The following PTGER1 variants were observed in gnomAD, a reference collection of about 807,000 sequenced individuals.
PTGER1 encodes prostaglandin E receptor 1.
PTGER1 carries 15 observed loss-of-function variants against 18.5 expected under a neutral mutation model. The ratio of observed to expected loss-of-function variants is 0.81; its 90% CI spans 0.54 to 1.25. The LOEUF is 1.25. Ranked by LOEUF, PTGER1 falls within the 50% of genes most tolerant of loss-of-function variation. The pLI is 0.00. For missense variants in PTGER1, 567 were observed against 603.4 expected, an observed-to-expected ratio of 0.94 and a Z score of 0.63; for synonymous variants, 339 against 308.4, an observed-to-expected ratio of 1.10 and a Z score of -1.04.
At position 14,472,552 on chromosome 19, in the gene PTGER1, G is replaced by A. The variant is rs1441401257; in HGVS notation, c.*8C>T. On this transcript the variant is annotated 3_prime_UTR_variant, in exon 3 of 3. Transcript: ENST00000292513. ...GGGCTGGCTTAGTCGTTGGGCCTCTGGTTGTGCTTAGAAGTGGCTGAGGCC... is the reference window on the plus strand; with the variant it reads ...GGGCTGGCTTAGTCGTTGGGCCTCTAGTTGTGCTTAGAAGTGGCTGAGGCC... 6 of 1,556,122 alleles carry A rather than the reference G, an allele frequency of 3.9e-6. No individual in the cohort carries two copies. The highest frequency in any genetic ancestry group is 1.9e-5 in the Admixed American group (1 of 52,746).
chr19:14,474,475 T>A lies in PTGER1; in HGVS notation c.-17-138A>T. The A allele has an allele frequency of 2.1e-6, 2 of 949,114 alleles. No homozygotes were observed. The allele number at this position is 949,114 out of a possible 1,614,324, so 58.8% of individuals were successfully genotyped here. A position where few individuals can be genotyped will look rare whatever the true frequency, so the allele number is the denominator to read the frequency against. Reference sequence around the variant, plus strand: ...GCCCCTCTGCCCATGGCAGTTGCCATGGGCAACTCCAAATGACCTGGCCAC... The same window carrying A: ...GCCCCTCTGCCCATGGCAGTTGCCAAGGGCAACTCCAAATGACCTGGCCAC... On this transcript the variant is annotated intron_variant, in intron 1 of 2. Transcript: ENST00000292513. This position sits in a 1 kb window ranked among gnomAD's most constrained non-coding sequence, Gnocchi z 5.4.
At position 14,472,600 on chromosome 19, in the gene PTGER1, G is replaced by C. The variant is rs760999667; in HGVS notation, c.1169C>G (p.Ser390Trp). Residue 390 changes from serine (S) to tryptophan (W), a missense_variant, in exon 3 of 3, where the codon TCG (serine) becomes TGG (tryptophan). Ser to Trp is a radical substitution (Grantham distance 177). Coordinates refer to ENST00000292513, the MANE Select transcript of PTGER1 (RefSeq NM_000955.3). ...GCCGCTGTGCCGGGAGCTGCGCAGC[G>C]AGCTGGCCTCCCAGGCGCTCGGTGT... ...GLTPSAWEAS[S>W]LRSSRHSGLS... 1.3e-6 allele frequency: 2 copies of C among 1,599,938 alleles called. No homozygotes were observed. Among genetic ancestry groups the C allele is most frequent in the East Asian group, 4.5e-5 (2 of 44,554 alleles).
In PTGER1 at chr19:14,473,837, C is replaced by A; in HGVS notation, c.484G>T (p.Ala162Ser). 7.9e-7 allele frequency: 1 copy of A among 1,258,404 alleles called. No individual in the cohort carries two copies. The highest frequency in any genetic ancestry group is 2.8e-5 in the South Asian group (1 of 35,436). 78.0% of individuals were successfully genotyped at this position (1,258,404 alleles called of 1,614,324 possible). ...ARARLALAAV[A>S]AVALAVALLP... ...AGCGCCACGGCCAAGGCCACCGCGG[C>A]CACCGCGGCCAGCGCCAGGCGCGCG... Residue 162 changes from alanine (A) to serine (S), a missense_variant, in exon 2 of 3, where the codon GCC (alanine) becomes TCC (serine). Transcript: ENST00000292513. The surrounding 1 kb of genome is among the most constrained non-coding windows in gnomAD (Gnocchi z 7.1).
At chr19:14,472,989 G>T (rs915389911) in intron 2 of PTGER1, among the ~76,000 whole-genome samples, 163 bp from the exon 3 acceptor site, 1 of 151,964 alleles carries the variant, frequency 6.6e-6, no homozygotes. Flanking sequence ...AAAAAAAGGG[G>T]GGCAAAGAAA....
chr19:14,472,782 C>A lies in PTGER1; in HGVS notation c.987G>T (p.Leu329=). 1.9e-6 allele frequency: 3 copies of A among 1,574,350 alleles called. No homozygotes were observed. Among genetic ancestry groups the A allele is most frequent in the Non-Finnish European group, 2.6e-6 (3 of 1,162,060 alleles). Residue 329 remains leucine, a synonymous_variant, in exon 3 of 3, where the codon CTG becomes CTT. Coordinates refer to ENST00000292513, the MANE Select transcript of PTGER1 (RefSeq NM_000955.3). The part of the protein sequence containing the change: ...LAVGGWSSTS[L]QRPLFLAVRL... ...GCACGGCCAGGAACAGTGGCCGCTG[C>A]AGGGAGGTAGAGCTCCAGCCGCCGA...
chr19:14,473,968 A>G lies in PTGER1; in HGVS notation c.353T>C (p.Val118Ala), dbSNP rs200071451. 767 of 1,495,352 alleles carry G rather than the reference A, an allele frequency of 5.1e-4. 2 individuals are homozygous for G. Among genetic ancestry groups the G allele is most frequent in the Non-Finnish European group, 5.8e-4 (650 of 1,127,016 alleles). 92.6% of individuals were successfully genotyped at this position (1,495,352 alleles called of 1,614,324 possible). A position where few individuals can be genotyped will look rare whatever the true frequency, so the allele number is the denominator to read the frequency against. The change falls in exon 2 of 3, where the codon GTC (valine) becomes GCC (alanine). Residue 118 changes from valine to alanine, a missense_variant. Physicochemically the swap from Val to Ala is moderately conservative, Grantham distance 64. Coordinates refer to ENST00000292513, the MANE Select transcript of PTGER1 (RefSeq NM_000955.3). The surrounding 1 kb of genome is among the most constrained non-coding windows in gnomAD (Gnocchi z 7.1). The stretch of plus-strand genomic sequence containing the variant: ...CAGCAGCGGGCACAGGCCGAAGAAG[A>G]CCATGCAGCCGCCCAGGAAGTGGCA... ...GACHFLGGCM[V>A]FFGLCPLLLG...
In PTGER1 at chr19:14,473,463, G is replaced by T; in HGVS notation, c.858C>A (p.Arg286=). 1 of 1,586,652 alleles carries T rather than the reference G, an allele frequency of 6.3e-7. No homozygotes were observed. Among genetic ancestry groups the T allele is most frequent in the Non-Finnish European group, 8.5e-7 (1 of 1,170,734 alleles). ...TCTCCACGTCGTGGGCGCGAGCTCTGCGTGCCGAGCCGCTGCTCCGAGAGC... is the reference window on the plus strand; with the variant it reads ...TCTCCACGTCGTGGGCGCGAGCTCTTCGTGCCGAGCCGCTGCTCCGAGAGC... ...FGGSRSSGSA[R]RARAHDVEMV... Residue 286 remains arginine (R), a synonymous_variant, in exon 2 of 3, where the codon CGC becomes CGA. Coordinates refer to ENST00000292513, the MANE Select transcript of PTGER1 (RefSeq NM_000955.3). The surrounding 1 kb of genome is among the most constrained non-coding windows in gnomAD (Gnocchi z 7.1).
In PTGER1 at chr19:14,473,334, G is replaced by A; in HGVS notation, c.942+45C>T. 3 of 1,547,866 alleles carry A rather than the reference G, an allele frequency of 1.9e-6. No homozygotes were observed. The highest frequency in any genetic ancestry group is 2.6e-6 in the Non-Finnish European group (3 of 1,151,134). ...GACAAAGGGCGGGAGGGTGCCGAGA[G>A]GGAGCGGGAAGGAGCGTGGCTCGAG... On this transcript the variant is annotated intron_variant, in intron 2 of 2. Transcript: ENST00000292513. This position sits in a 1 kb window ranked among gnomAD's most constrained non-coding sequence, Gnocchi z 7.1.
rs1213010378 is a variant in PTGER1 at position 14,474,093 on chromosome 19, G to A, written c.228C>T (p.Phe76=). The change falls in exon 2 of 3, where the codon TTC becomes TTT. Residue 76 remains phenylalanine (F), a synonymous_variant. Transcript: ENST00000292513. The surrounding 1 kb of genome is among the most constrained non-coding windows in gnomAD (Gnocchi z 5.4). ...GGTCGGTGGCCAGCAGGCTGGCCAC[G>A]AACAGCAGGAAGGTGGCGGCCGAGC... The part of the protein sequence containing the change: ...RRRSAATFLL[F]VASLLATDLA... The A allele has an allele frequency of 1.4e-6, 2 of 1,461,490 alleles. No individual in the cohort carries two copies. Among genetic ancestry groups the A allele is most frequent in the Non-Finnish European group, 1.8e-6 (2 of 1,109,802 alleles). The allele number at this position is 1,461,490 out of a possible 1,614,324, so 90.5% of individuals were successfully genotyped here. A position where few individuals can be genotyped will look rare whatever the true frequency, so the allele number is the denominator to read the frequency against.
In PTGER1 at chr19:14,473,469, C is replaced by A. The variant is rs1206748923; in HGVS notation, c.852G>T (p.Ser284=). ...CGTCGTGGGCGCGAGCTCTGCGTGC[C>A]GAGCCGCTGCTCCGAGAGCCGCCAA... ...TFFGGSRSSG[S]ARRARAHDVE... The change falls in exon 2 of 3, where the codon TCG becomes TCT. Residue 284 remains serine, a synonymous_variant. Coordinates refer to ENST00000292513, the MANE Select transcript of PTGER1 (RefSeq NM_000955.3). The surrounding 1 kb of genome is among the most constrained non-coding windows in gnomAD (Gnocchi z 7.1). The A allele has an allele frequency of 6.3e-7, 1 of 1,584,610 alleles. No individual in the cohort carries two copies. Among genetic ancestry groups the A allele is most frequent in the East Asian group, 2.3e-5 (1 of 42,734 alleles).
At position 14,473,645 on chromosome 19, in the gene PTGER1, C is replaced by A; in HGVS notation, c.676G>T (p.Gly226Cys). The stretch of plus-strand genomic sequence containing the variant: ...CAGCGGGCGCGTAGCAGGGCCAGGC[C>A]GCTGAGCGTGTTGCACACCAGCGCG... ...LAALVCNTLS[G>C]LALLRARWRR... Residue 226 changes from glycine (G) to cysteine (C), a missense_variant, in exon 2 of 3, where the codon GGC (glycine) becomes TGC (cysteine). By Grantham distance (159) the Gly-to-Cys change is radical (BLOSUM62 -3). Coordinates refer to ENST00000292513, the MANE Select transcript of PTGER1 (RefSeq NM_000955.3). The surrounding 1 kb of genome is among the most constrained non-coding windows in gnomAD (Gnocchi z 7.1). 1 of 1,480,572 alleles carries A rather than the reference C, an allele frequency of 6.8e-7. No homozygotes were observed. The highest frequency in any genetic ancestry group is 8.9e-7 in the Non-Finnish European group (1 of 1,123,512). 91.7% of individuals were successfully genotyped at this position (1,480,572 alleles called of 1,614,324 possible).
rs768857821 is a variant in PTGER1, at chr19:14,472,864, G to A, written c.943-38C>T. On this transcript the variant is annotated intron_variant, in intron 2 of 2. Coordinates refer to ENST00000292513, the MANE Select transcript of PTGER1 (RefSeq NM_000955.3). ...CCGGTGTGAGCTATAGAGCAGGCGC[G>A]GGCGCAGGGGGGCGCAGGGATGGTG... The A allele has an allele frequency of 6.6e-6, 10 of 1,505,428 alleles. No individual in the cohort carries two copies. In the African/African-American group the frequency reaches 1.4e-4, roughly 21 times the overall value. 93.3% of individuals were successfully genotyped at this position (1,505,428 alleles called of 1,614,324 possible). A position where few individuals can be genotyped will look rare whatever the true frequency, so the allele number is the denominator to read the frequency against.
chr19:14,473,978 C>G lies in PTGER1; in HGVS notation c.343G>C (p.Gly115Arg). ...PAGGACHFLG[G>R]CMVFFGLCPL... The stretch of plus-strand genomic sequence containing the variant: ...CACAGGCCGAAGAAGACCATGCAGC[C>G]GCCCAGGAAGTGGCAGGCCCCGCCG... The change falls in exon 2 of 3, where the codon GGC becomes CGC. Residue 115 changes from glycine (G) to arginine (R), a missense_variant. By Grantham distance (125) the Gly-to-Arg change is moderately radical. Transcript: ENST00000292513. This position sits in a 1 kb window ranked among gnomAD's most constrained non-coding sequence, Gnocchi z 7.1. The G allele has an allele frequency of 6.7e-7, 1 of 1,498,076 alleles. No individual in the cohort carries two copies. Among genetic ancestry groups the G allele is most frequent in the African/African-American group, 1.4e-5 (1 of 69,034 alleles). The allele number at this position is 1,498,076 out of a possible 1,614,324, so 92.8% of individuals were successfully genotyped here.
Position 14,473,646 on chromosome 19 carries a change from G to T in PTGER1, c.675C>A (p.Ser225Arg), listed in dbSNP as rs1352267284. The T allele has an allele frequency of 6.8e-7, 1 of 1,480,356 alleles. No individual in the cohort carries two copies. The highest frequency in any genetic ancestry group is 8.9e-7 in the Non-Finnish European group (1 of 1,123,408). 91.7% of individuals were successfully genotyped at this position (1,480,356 alleles called of 1,614,324 possible). A position where few individuals can be genotyped will look rare whatever the true frequency, so the allele number is the denominator to read the frequency against. The part of the protein sequence containing the change: ...LLAALVCNTL[S>R]GLALLRARWR... ...AGCGGGCGCGTAGCAGGGCCAGGCC[G>T]CTGAGCGTGTTGCACACCAGCGCGG... is the stretch of plus-strand genomic sequence containing the variant. The change falls in exon 2 of 3, where the codon AGC (serine) becomes AGA (arginine). Residue 225 changes from serine to arginine, a missense_variant. Transcript: ENST00000292513. The surrounding 1 kb of genome is among the most constrained non-coding windows in gnomAD (Gnocchi z 7.1).
Position 14,473,747 on chromosome 19 carries a change from G to C in PTGER1, c.574C>G (p.Leu192Val), listed in dbSNP as rs2071588945. 3 of 1,457,934 alleles carry C rather than the reference G, an allele frequency of 2.1e-6. No individual in the cohort carries two copies. In the African/African-American group the frequency reaches 4.4e-5, roughly 22 times the overall value. The allele number at this position is 1,457,934 out of a possible 1,614,324, so 90.3% of individuals were successfully genotyped here. Residue 192 changes from leucine (L) to valine (V), a missense_variant, in exon 2 of 3, where the codon CTG (leucine) becomes GTG (valine). Physicochemically the swap from Leu to Val is conservative, Grantham distance 32. Coordinates refer to ENST00000292513, the MANE Select transcript of PTGER1 (RefSeq NM_000955.3). This position sits in a 1 kb window ranked among gnomAD's most constrained non-coding sequence, Gnocchi z 7.1. ...QYPGTWCFIG[L>V]GPPGGWRQAL... ...TGGCGCCAGCCGCCCGGGGGACCCA[G>C]GCCGATGAAGCACCACGTGCCCGGG...
In PTGER1 at chr19:14,474,779, TC is replaced by T. The variant is rs2071597976; in HGVS notation, c.-17-443del. Reference sequence around the variant, plus strand: ...TTTCCCCATGTCAGCTTTACTCCAGTCCCATCCTCGATGCCCCAGCCCCATC... The same window carrying T: ...TTTCCCCATGTCAGCTTTACTCCAGTCCATCCTCGATGCCCCAGCCCCATC... On this transcript the variant is annotated intron_variant, in intron 1 of 2. Transcript: ENST00000292513. The surrounding 1 kb of genome is among the most constrained non-coding windows in gnomAD (Gnocchi z 5.4). Among the ~76,000 whole-genome samples the T allele has an allele frequency of 6.6e-6, 1 of 152,010 alleles. No individual in the cohort carries two copies. The highest frequency in any genetic ancestry group is 1.5e-5 in the Non-Finnish European group (1 of 67,986).
In PTGER1 at chr19:14,474,050, G is replaced by A. The variant is rs2071592077; in HGVS notation, c.271C>T (p.Pro91Ser). 6.7e-7 allele frequency: 1 copy of A among 1,497,432 alleles called. No homozygotes were observed. The highest frequency in any genetic ancestry group is 8.9e-7 in the Non-Finnish European group (1 of 1,128,700). 92.8% of individuals were successfully genotyped at this position (1,497,432 alleles called of 1,614,324 possible). ...TACAGACGCAGCACCAGCGCGCCCG[G>A]GATCACGTGGCCCGCCAGGTCGGTG... is the stretch of plus-strand genomic sequence containing the variant. ...LATDLAGHVI[P>S]GALVLRLYTA... The change falls in exon 2 of 3, where the codon CCG becomes TCG. Residue 91 changes from proline (P) to serine (S), a missense_variant. Pro to Ser is a moderately conservative substitution (Grantham distance 74, BLOSUM62 -1). Transcript: ENST00000292513. This position sits in a 1 kb window ranked among gnomAD's most constrained non-coding sequence, Gnocchi z 5.4.
In PTGER1 at chr19:14,473,570, G is replaced by A; in HGVS notation, c.751C>T (p.Arg251Cys). The change falls in exon 2 of 3, where the codon CGT (arginine) becomes TGT (cysteine). Residue 251 changes from arginine to cysteine, a missense_variant. Transcript: ENST00000292513. This position sits in a 1 kb window ranked among gnomAD's most constrained non-coding sequence, Gnocchi z 7.1. The stretch of plus-strand genomic sequence containing the variant: ...CGGGGTCCGTGCGCCCCCCAGCGAC[G>A]CCGGCTGTCGGGGCCTGAGGCCGGG... ...PPPASGPDSRRRWGAHGPRSA... is the reference protein window; with the variant it reads ...PPPASGPDSRCRWGAHGPRSA... The A allele has an allele frequency of 1.3e-6, 2 of 1,505,160 alleles. No individual in the cohort carries two copies. Among genetic ancestry groups the A allele is most frequent in the Non-Finnish European group, 1.8e-6 (2 of 1,134,020 alleles). The allele number at this position is 1,505,160 out of a possible 1,614,324, so 93.2% of individuals were successfully genotyped here.
Position 14,474,466 on chromosome 19 carries a change from C to T in PTGER1, c.-17-129G>A. 1 of 1,084,770 alleles carries T rather than the reference C, an allele frequency of 9.2e-7. No homozygotes were observed. The highest frequency in any genetic ancestry group is 1.2e-6 in the Non-Finnish European group (1 of 811,504). 67.2% of individuals were successfully genotyped at this position (1,084,770 alleles called of 1,614,324 possible). On this transcript the variant is annotated intron_variant, in intron 1 of 2. Coordinates refer to ENST00000292513, the MANE Select transcript of PTGER1 (RefSeq NM_000955.3). This position sits in a 1 kb window ranked among gnomAD's most constrained non-coding sequence, Gnocchi z 5.4. ...TCTCAGGCGGCCCCTCTGCCCATGG[C>T]AGTTGCCATGGGCAACTCCAAATGA...
Sources: gnomAD v4.1 joint callset for allele counts (sites outside exome capture counted in the v4.1 genomes callset) on GRCh38, gnomAD v4.1.1 for gene constraint, Gnocchi (gnomAD v3.1) non-coding constraint, MANE v1.5 for transcripts, NCBI Gene and HGNC (gene_info 2026-07-23, HGNC 2026-07-21) for gene names.